The following TRAK1 variants were observed in gnomAD, a reference collection of about 807,000 sequenced individuals.
TRAK1 encodes the protein trafficking kinesin protein 1.
TRAK1 carries 33 observed loss-of-function variants against 92.1 expected under a neutral mutation model. That is an observed-to-expected ratio of 0.36 (90% confidence interval 0.27 to 0.48). TRAK1 has a LOEUF of 0.48. Ranked by LOEUF, TRAK1 falls within the 20% of genes least tolerant of loss-of-function variation. The pLI is 0.99. For missense variants in TRAK1, 1,123 were observed against 1,257.9 expected (o/e 0.89, Z 1.62); for synonymous variants, 521 against 517.3 (o/e 1.01, Z -0.10).
rs1190680061 is a variant in TRAK1, at chr3:42,209,747, C to G, written c.1745-20C>G. 6.2e-7 allele frequency: 1 copy of G among 1,609,450 alleles called. No individual in the cohort carries two copies. Among genetic ancestry groups the G allele is most frequent in the East Asian group, 2.2e-5 (1 of 44,836 alleles). Reference sequence around the variant, plus strand: ...TCTCTTCTCCTTGTCCCCCTTCTTCCCTTCCCTTTCTCCTGCAAGGTTCCG... The same window carrying G: ...TCTCTTCTCCTTGTCCCCCTTCTTCGCTTCCCTTTCTCCTGCAAGGTTCCG... On this transcript the variant is annotated intron_variant, in intron 13 of 15. Coordinates refer to ENST00000327628, the MANE Select transcript of TRAK1 (RefSeq NM_001042646.3).
rs566314522 is a variant in TRAK1, at chr3:42,210,157, C to G, written c.1963+172C>G. 5 of 1,596,482 alleles carry G rather than the reference C, an allele frequency of 3.1e-6. No homozygotes were observed. The South Asian group carries it at 4.6e-5, about 15-fold the overall frequency. The stretch of plus-strand genomic sequence containing the variant: ...ACCACGATAAGTCCTGTAAACTTGG[C>G]ACCTTTCCCGGAGGCAGAGTTTTGG... On this transcript the variant is annotated intron_variant, in intron 14 of 15. Transcript: ENST00000327628.
intron 2 of TRAK1, among the ~76,000 whole-genome samples, chr3:42,128,305 A>G (rs1710847941): frequency 6.6e-6 from 1 of 152,252 alleles, no homozygotes; most frequent in African/African-American, 2.4e-5. Context: ...CTGGTAGTAG[A>G]TAACACAACT....
At chr3:42,110,612 C>G (rs1708260496) in intron 1 of TRAK1, among the ~76,000 whole-genome samples, 1 of 152,156 alleles carries the variant, frequency 6.6e-6, no homozygotes, top group South Asian at 2.1e-4. Flanking sequence ...CTGGCTGAGC[C>G]CCTTGCCTTT....
intron 1 of TRAK1, among the ~76,000 whole-genome samples, chr3:42,098,699 C>A (rs1044076150): frequency 2.6e-5 from 4 of 152,180 alleles, no homozygotes; most frequent in African/African-American, 9.7e-5. Context: ...AGGCTCACTT[C>A]CTACTCTGCT....
At chr3:42,176,185 C>G (rs575396452) in intron 2 of TRAK1, among the ~76,000 whole-genome samples, 120 of 151,376 alleles carry the variant, frequency 7.9e-4, no homozygotes, top group African/African-American at 2.8e-3. Context: ...AAATATTACT[C>G]TGTGTGTGTG....
chr3:42,210,785 A>G, intron 14 of TRAK1: 1 of 985,494 alleles, frequency 1.0e-6, no homozygotes, highest in Non-Finnish European at 1.2e-6. Flanking sequence ...GGAGAACGTC[A>G]CTAAGCTTTT....
intron 6 of TRAK1, 68 bp downstream of exon 6, chr3:42,189,192 G>A (rs1705322194): frequency 3.3e-6 from 4 of 1,227,264 alleles, no homozygotes; most frequent in Non-Finnish European, 4.8e-6. Context: ...ATCTGGCAAG[G>A]ACAACCATGG....
At chr3:42,108,172 A>G (rs1029266173) in intron 1 of TRAK1, among the ~76,000 whole-genome samples, 1 of 151,992 alleles carries the variant, frequency 6.6e-6, no homozygotes, top group Non-Finnish European at 1.5e-5. Context: ...CCATGTGTCT[A>G]CCATGTCTCC....
chr3:42,187,419 A>T (rs374406368), intron 4 of TRAK1, among the ~76,000 whole-genome samples: 5 of 152,208 alleles, frequency 3.3e-5, no homozygotes, highest in African/African-American at 9.7e-5. Flanking sequence ...CCAGCTGATC[A>T]TCTGGCTATT....
chr3:42,051,581 TA>T (rs1040199727), intron 1 of TRAK1: 1 of 152,306 alleles, frequency 6.6e-6, no homozygotes, highest in Non-Finnish European at 1.5e-5. Flanking sequence ...CAGCTTTCTC[TA>T]AATCCTGGGC....
chr3:42,040,165 TA>T (rs1172173221), intron 1 of TRAK1, among the ~76,000 whole-genome samples: 1 of 152,234 alleles, frequency 6.6e-6, no homozygotes, highest in Non-Finnish European at 1.5e-5. Flanking sequence ...TGGTATCATT[TA>T]CAGCACAACA....
At chr3:42,217,708 T>G (rs1709876073) in intron 14 of TRAK1, 1 of 985,330 alleles carries the variant, frequency 1.0e-6, no homozygotes, top group Admixed American at 6.1e-5. Context: ...TTCTATTTAC[T>G]GCTTTCCCCC....
At position 42,200,862 on chromosome 3, in the gene TRAK1, T is replaced by C. The variant is rs773468705; in HGVS notation, c.1235T>C (p.Val412Ala). 1.2e-6 allele frequency: 2 copies of C among 1,613,932 alleles called. No homozygotes were observed. The highest frequency in any genetic ancestry group is 2.7e-5 in the African/African-American group (2 of 74,854). Reference protein sequence around the residue: ...VFETVRNINQVVKQRSLTPSP... With the variant: ...VFETVRNINQAVKQRSLTPSP... Reference sequence around the variant, plus strand: ...GAGACAGTAAGAAACATCAACCAGGTTGTCAAGCAGAGATCTCTGACCCCT... The same window carrying C: ...GAGACAGTAAGAAACATCAACCAGGCTGTCAAGCAGAGATCTCTGACCCCT... The change falls in exon 12 of 16, where the codon GTT becomes GCT. Residue 412 changes from valine to alanine, a missense_variant. Around this residue, in one of 3 missense-constraint regions of TRAK1, gnomAD observed 686 missense variants for 747.6 expected, o/e 0.92. Transcript: ENST00000327628.
intron 1 of TRAK1, among the ~76,000 whole-genome samples, chr3:42,071,905 T>G (rs1470333591): frequency 2.0e-5 from 3 of 152,186 alleles, no homozygotes; most frequent in Non-Finnish European, 2.9e-5. Flanking sequence ...AACAGGGATT[T>G]GGGATGAGAT....
intron 1 of TRAK1, among the ~76,000 whole-genome samples, chr3:42,041,581 C>A (rs920583800): frequency 7.0e-6 from 1 of 142,330 alleles, no homozygotes; most frequent in Non-Finnish European, 1.5e-5. Context: ...AATTCTTCCT[C>A]CTCAATATGA....
At chr3:42,142,671 C>T (rs901476428) in intron 2 of TRAK1, among the ~76,000 whole-genome samples, 1 of 152,362 alleles carries the variant, frequency 6.6e-6, no homozygotes, top group South Asian at 2.1e-4. Context: ...TACACATCCA[C>T]CTCTGCTGCT....
chr3:42,165,696 C>T (rs549891344), intron 2 of TRAK1, among the ~76,000 whole-genome samples: 4 of 152,224 alleles, frequency 2.6e-5, no homozygotes, highest in Admixed American at 1.3e-4. Flanking sequence ...ACAACTTTCC[C>T]GATGGGTCAG....
chr3:42,056,920 GAC>G (rs1703226467), intron 1 of TRAK1, among the ~76,000 whole-genome samples: 1 of 152,166 alleles, frequency 6.6e-6, no homozygotes, highest in East Asian at 1.9e-4. Flanking sequence ...TTGTGTGAGA[GAC>G]AAAGTAAAGT....
chr3:42,188,014 A>T, intron 4 of TRAK1, 31 bp from the exon 5 acceptor site: 10 of 1,599,612 alleles, frequency 6.3e-6, no homozygotes, highest in Non-Finnish European at 7.7e-6. Flanking sequence ...CCTTTTGGGA[A>T]GCAAATGATG....
Sources: allele counts gnomAD v4.1 joint callset (sites outside exome capture counted in the v4.1 genomes callset), GRCh38; gene constraint gnomAD v4.1.1; regional missense constraint gnomAD v4.1.1; transcripts MANE v1.5; gene names NCBI Gene and HGNC (gene_info 2026-07-23, HGNC 2026-07-21).